The following FOXJ3 variants were observed in gnomAD, a reference collection of about 807,000 sequenced individuals.
The protein encoded by FOXJ3 is forkhead box protein J3.
Under a neutral mutation model 76.1 loss-of-function variants are expected in FOXJ3, and 22 were observed. That is an observed-to-expected ratio of 0.29 (90% CI 0.21 to 0.41). The LOEUF (loss-of-function observed/expected upper bound fraction) is 0.41. Ranked by LOEUF, FOXJ3 falls within the 10% of genes least tolerant of loss-of-function variation. The pLI is 1.00. For missense variants in FOXJ3, 613 were observed against 762.1 expected, an observed-to-expected ratio of 0.80 and a Z score of 2.30; for synonymous variants, 269 against 261.2, an observed-to-expected ratio of 1.03 and a Z score of -0.29.
intron 4 of FOXJ3, among the ~76,000 whole-genome samples, chr1:42,253,829 CTT>C (rs1225574021): frequency 6.6e-6 from 1 of 152,080 alleles, no homozygotes; most frequent in African/African-American, 2.4e-5. Context: ...GGATTAAAGA[CTT>C]ATATGTTAGA....
intron 4 of FOXJ3, among the ~76,000 whole-genome samples, chr1:42,264,160 A>G (rs1413150015): frequency 1.3e-5 from 2 of 152,120 alleles, no homozygotes; most frequent in African/African-American, 4.8e-5. Flanking sequence ...ATACTGAAAG[A>G]TAAGAAGCAG....
chr1:42,309,718 C>CTA (rs1261652067), intron 2 of FOXJ3, among the ~76,000 whole-genome samples: 1 of 152,190 alleles, frequency 6.6e-6, no homozygotes, highest in Non-Finnish European at 1.5e-5. Flanking sequence ...CCACATGTAA[C>CTA]TAGTAGGTCC....
At chr1:42,216,512 C>T (rs1230621882) in intron 5 of FOXJ3, among the ~76,000 whole-genome samples, 23 of 148,770 alleles carry the variant, frequency 1.5e-4, no homozygotes, top group Admixed American at 8.0e-4. Context: ...AGCGAGACTC[C>T]GTCTCAAAAA....
chr1:42,325,923 C>A (rs1339475195), intron 1 of FOXJ3, among the ~76,000 whole-genome samples: 3 of 152,110 alleles, frequency 2.0e-5, no homozygotes, highest in Admixed American at 6.5e-5. Flanking sequence ...GCTTAGAAAG[C>A]AAAACAACTT....
chr1:42,273,267 T>C (rs776752074), intron 3 of FOXJ3, among the ~76,000 whole-genome samples: 2 of 152,192 alleles, frequency 1.3e-5, no homozygotes, highest in African/African-American at 2.4e-5. Context: ...CTAATAAAGA[T>C]TGTAGCTCCC....
chr1:42,191,245 C>T (rs1646534817), intron 9 of FOXJ3, 58 bp downstream of exon 9: 1 of 1,483,828 alleles, frequency 6.7e-7, no homozygotes, highest in African/African-American at 1.4e-5. Flanking sequence ...CTCTAAATAA[C>T]AAAGGACAGA....
intron 6 of FOXJ3, 68 bp downstream of exon 6, chr1:42,205,694 T>C (rs919187036): frequency 2.2e-6 from 2 of 906,112 alleles, no homozygotes. Flanking sequence ...GATTCTATCA[T>C]TATTACAAAG....
intron 4 of FOXJ3, among the ~76,000 whole-genome samples, chr1:42,237,771 T>G (rs1440544070): frequency 6.6e-6 from 1 of 152,022 alleles, no homozygotes; most frequent in East Asian, 1.9e-4. Flanking sequence ...CATGTTTAGG[T>G]CTCTGGTACA....
intron 2 of FOXJ3, among the ~76,000 whole-genome samples, chr1:42,283,060 C>A (rs3754280): frequency 0.45 from 67,685 of 151,920 alleles, 17,350 homozygotes; most frequent in Non-Finnish European, 0.56. Flanking sequence ...TGAAGTCTTT[C>A]GTAAGACAGA....
chr1:42,194,836 A>G lies in FOXJ3; in HGVS notation c.934+54T>C, dbSNP rs535260486. On this transcript the variant is annotated intron_variant, in intron 8 of 12. Transcript: ENST00000361346. Reference sequence around the variant, plus strand: ...TAACAGCTGCCATGTGAAATAATTTAAAAACCTTTTTCCAATAAAACTTTG... The same window carrying G: ...TAACAGCTGCCATGTGAAATAATTTGAAAACCTTTTTCCAATAAAACTTTG... 10 of 1,154,030 alleles carry G rather than the reference A, an allele frequency of 8.7e-6. No individual in the cohort carries two copies. In the African/African-American group the frequency reaches 9.3e-5, roughly 11 times the overall value. 71.5% of individuals were successfully genotyped at this position (1,154,030 alleles called of 1,614,324 possible). A position where few individuals can be genotyped will look rare whatever the true frequency, so the allele number is the denominator to read the frequency against.
chr1:42,245,968 G>A (rs1649521269), intron 4 of FOXJ3, among the ~76,000 whole-genome samples: 1 of 152,030 alleles, frequency 6.6e-6, no homozygotes, highest in East Asian at 1.9e-4. Context: ...ATGTCCATAG[G>A]CAGAAGAATG....
chr1:42,283,914 GCCTGCC>G (rs1285324752), intron 2 of FOXJ3, among the ~76,000 whole-genome samples: 2 of 152,178 alleles, frequency 1.3e-5, no homozygotes, highest in African/African-American at 4.8e-5. Context: ...CTTTTGCCCT[GCCTGCC>G]CTCTGGAATG....
chr1:42,324,139 A>ATATATACACTGTG (rs1557726168), intron 1 of FOXJ3, among the ~76,000 whole-genome samples: 14 of 136,026 alleles, frequency 1.0e-4, no homozygotes, highest in African/African-American at 3.3e-4. Context: ...TATATACAGT[A>ATATATACACTGTG]TATATACTAT....
At chr1:42,219,177 TA>T (rs1647130304) in intron 5 of FOXJ3, among the ~76,000 whole-genome samples, 1 of 152,210 alleles carries the variant, frequency 6.6e-6, no homozygotes, top group African/African-American at 2.4e-5. Context: ...ATTCATGTTT[TA>T]AATTGCATGT....
At chr1:42,296,934 G>A (rs1339323893) in intron 2 of FOXJ3, among the ~76,000 whole-genome samples, 1 of 152,150 alleles carries the variant, frequency 6.6e-6, no homozygotes, top group Non-Finnish European at 1.5e-5. Context: ...CAATCCAACA[G>A]CACAAAATGT....
chr1:42,192,807 G>C (rs986681535), intron 8 of FOXJ3, among the ~76,000 whole-genome samples: 9 of 150,102 alleles, frequency 6.0e-5, no homozygotes, highest in Non-Finnish European at 1.0e-4. Flanking sequence ...AAAGAATCAA[G>C]CTTTTTAAAA....
chr1:42,225,200 C>A lies in FOXJ3; in HGVS notation c.528+2683G>T, dbSNP rs930008836. On this transcript the variant is annotated intron_variant, in intron 5 of 12. Transcript: ENST00000361346. ...CAGAATTTCAATGTTTACATGTGGACAAAGGAATCACAAATTTCAGAAATT... is the reference window on the plus strand; with the variant it reads ...CAGAATTTCAATGTTTACATGTGGAAAAAGGAATCACAAATTTCAGAAATT... 2.6e-5 allele frequency among the ~76,000 whole-genome samples: 4 copies of A among 151,766 alleles called. No homozygotes were observed. The East Asian group carries it at 7.7e-4, about 29-fold the overall frequency.
At chr1:42,334,343 G>A (rs1021857636) in intron 1 of FOXJ3, among the ~76,000 whole-genome samples, 2 of 152,042 alleles carry the variant, frequency 1.3e-5, no homozygotes, top group Admixed American at 6.5e-5. Context: ...CACCTTCCAC[G>A]CCACCCGGAG....
At chr1:42,259,061 C>A (rs1650831685) in intron 4 of FOXJ3, among the ~76,000 whole-genome samples, 1 of 152,096 alleles carries the variant, frequency 6.6e-6, no homozygotes. Flanking sequence ...GGAATATATG[C>A]AATGAAATGA....
Sources: allele counts gnomAD v4.1 joint callset (sites outside exome capture counted in the v4.1 genomes callset), GRCh38; gene constraint gnomAD v4.1.1; transcripts MANE v1.5; gene names NCBI Gene and HGNC (gene_info 2026-07-23, HGNC 2026-07-21).